TMEM132D: variants seen among roughly 807,000 people sequenced by gnomAD.
TMEM132D encodes the protein transmembrane protein 132D.
TMEM132D carries 21 observed loss-of-function variants against 62.3 expected under a neutral mutation model. The observed-to-expected ratio is 0.34, with a 90% confidence interval of 0.24 to 0.49. The LOEUF is 0.49. TMEM132D is among the 20% of genes least tolerant of loss of function. The pLI is 0.99. For missense variants in TMEM132D, 1,346 were observed against 1,402.8 expected (o/e 0.96, Z 0.65); for synonymous variants, 621 against 575.6 (o/e 1.08, Z -1.13).
intron 5 of TMEM132D, among the ~76,000 whole-genome samples, chr12:129,170,590 C>T (rs1295446809): frequency 1.3e-5 from 2 of 151,956 alleles, no homozygotes; most frequent in African/African-American, 2.4e-5. Context: ...TTTTGTGGGC[C>T]GAGGCAGGCA....
chr12:129,903,604 A>G lies in TMEM132D; in HGVS notation c.-265T>C. 1 of 497,076 alleles carries G rather than the reference A, an allele frequency of 2.0e-6. No homozygotes were observed. The highest frequency in any genetic ancestry group is 3.3e-5 in the East Asian group (1 of 30,066). The allele number at this position is 497,076 out of a possible 1,614,324, so 30.8% of individuals were successfully genotyped here. ...ACCTCCCTCCTTCGACCCCAACAGA[A>G]TTTTTTTTAAATTTTAATCCACAGG... is the stretch of plus-strand genomic sequence containing the variant. On this transcript the variant is annotated 5_prime_UTR_variant, in exon 1 of 9. Coordinates refer to ENST00000422113, the MANE Select transcript of TMEM132D (RefSeq NM_133448.3). The surrounding 1 kb of genome is among the most constrained non-coding windows in gnomAD (Gnocchi z 6.2).
intron 4 of TMEM132D, among the ~76,000 whole-genome samples, chr12:129,264,375 C>A (rs115565804): frequency 6.6e-6 from 1 of 151,900 alleles, no homozygotes; most frequent in Non-Finnish European, 1.5e-5. Flanking sequence ...GGCGACAGAG[C>A]GAAATCCTGT....
intron 4 of TMEM132D, among the ~76,000 whole-genome samples, chr12:129,302,222 C>G (rs989013690): frequency 4.6e-5 from 7 of 152,240 alleles, no homozygotes; most frequent in African/African-American, 1.7e-4. Flanking sequence ...TCAAGCGATT[C>G]TCCTGCCTCA....
At chr12:129,658,630 T>C (rs911793646) in intron 2 of TMEM132D, among the ~76,000 whole-genome samples, 4 of 152,184 alleles carry the variant, frequency 2.6e-5, no homozygotes, top group African/African-American at 4.8e-5. Flanking sequence ...GGGAGTGACA[T>C]GCTGGGACTT....
intron 1 of TMEM132D, among the ~76,000 whole-genome samples, chr12:129,766,358 G>A (rs1193541784): frequency 1.3e-5 from 2 of 152,082 alleles, no homozygotes; most frequent in Admixed American, 6.5e-5. Flanking sequence ...TCACTCCTGT[G>A]TTCTTTGAAA....
rs557009409 is a variant in TMEM132D at position 129,370,433 on chromosome 12, C to T, written c.1116-32616G>A. ...AGTGGCAGCTCTGCCAGCTGTGAGG[C>T]TTGGTGGGAGGCGGGAGGCTGGGAT... On this transcript the variant is annotated intron_variant, in intron 3 of 8. Coordinates refer to ENST00000422113, the MANE Select transcript of TMEM132D (RefSeq NM_133448.3). 5.3e-5 allele frequency among the ~76,000 whole-genome samples: 8 copies of T among 152,308 alleles called. No individual in the cohort carries two copies. The East Asian group carries it at 1.5e-3, about 29-fold the overall frequency.
In TMEM132D at chr12:129,903,915, G is replaced by C. The variant is rs998396026; in HGVS notation, c.-576C>G. On this transcript the variant is annotated 5_prime_UTR_variant, in exon 1 of 9. Transcript: ENST00000422113. This position sits in a 1 kb window ranked among gnomAD's most constrained non-coding sequence, Gnocchi z 6.2. ...CGCCTCGGGGCTCGGGCGCGCGCGCGCTCCGGCACCCAAAGTTTGGCGGGT... is the reference window on the plus strand; with the variant it reads ...CGCCTCGGGGCTCGGGCGCGCGCGCCCTCCGGCACCCAAAGTTTGGCGGGT... 2.0e-5 allele frequency among the ~76,000 whole-genome samples: 3 copies of C among 147,414 alleles called. No individual in the cohort carries two copies. Among genetic ancestry groups the C allele is most frequent in the African/African-American group, 7.3e-5 (3 of 40,958 alleles).
rs951844119 is a variant in TMEM132D, at chr12:129,761,159, T to C, written c.80-60461A>G. Among the ~76,000 whole-genome samples, 12 of 152,076 alleles carry C rather than the reference T, an allele frequency of 7.9e-5. 1 individual carries two copies. Among genetic ancestry groups the C allele is most frequent in the Admixed American group, 2.0e-4 (3 of 15,250 alleles). On this transcript the variant is annotated intron_variant, in intron 1 of 8. Coordinates refer to ENST00000422113, the MANE Select transcript of TMEM132D (RefSeq NM_133448.3). ...CCTCCCATAAAGGACCTCGTTCCAG[T>C]GTCATCCTCCTCATCCCCAGAGTCA...
intron 3 of TMEM132D, among the ~76,000 whole-genome samples, chr12:129,517,528 T>C (rs1875718064): frequency 6.6e-6 from 1 of 152,178 alleles, no homozygotes; most frequent in African/African-American, 2.4e-5. Context: ...ATTAGCTGCC[T>C]GCTGTTCCTA....
chr12:129,338,074 C>T (rs1160413686), intron 3 of TMEM132D, among the ~76,000 whole-genome samples: 1 of 152,238 alleles, frequency 6.6e-6, no homozygotes, highest in African/African-American at 2.4e-5. Context: ...TGCTCAGCTG[C>T]CCCAGAGCAG....
intron 4 of TMEM132D, among the ~76,000 whole-genome samples, chr12:129,219,556 C>A (rs912894558): frequency 2.0e-5 from 3 of 152,118 alleles, no homozygotes; most frequent in African/African-American, 7.2e-5. Context: ...TGCTCCCATG[C>A]AAGGAGAGAA....
At chr12:129,091,542 C>G (rs980705346) in intron 5 of TMEM132D, among the ~76,000 whole-genome samples, 2 of 151,818 alleles carry the variant, frequency 1.3e-5, no homozygotes, top group African/African-American at 4.8e-5. Context: ...GCTCTGGGGA[C>G]TTTACCTAAG....
intron 5 of TMEM132D, among the ~76,000 whole-genome samples, chr12:129,103,051 T>C (rs1875366582): frequency 6.6e-6 from 1 of 152,216 alleles, no homozygotes; most frequent in Non-Finnish European, 1.5e-5. Context: ...GCAGTTATTG[T>C]CTCTGAGCTC....
intron 2 of TMEM132D, among the ~76,000 whole-genome samples, chr12:129,589,613 C>T (rs891076350): frequency 6.6e-6 from 1 of 152,146 alleles, no homozygotes; most frequent in African/African-American, 2.4e-5. Flanking sequence ...AGAGAAAGAA[C>T]AGTGATGCAG....
chr12:129,791,283 T>C (rs1194329660), intron 1 of TMEM132D, among the ~76,000 whole-genome samples: 2 of 152,070 alleles, frequency 1.3e-5, no homozygotes, highest in Non-Finnish European at 2.9e-5. Context: ...TGAAAATATA[T>C]TGGTCAAAAA....
intron 2 of TMEM132D, among the ~76,000 whole-genome samples, chr12:129,634,126 C>T (rs994716193): frequency 6.6e-6 from 1 of 152,140 alleles, no homozygotes; most frequent in African/African-American, 2.4e-5. Context: ...GCCTCCACAG[C>T]AGTGGTGTCC....
At position 129,134,219 on chromosome 12, in the gene TMEM132D, C is replaced by T. The variant is rs748468532; in HGVS notation, c.1444-49517G>A. Among the ~76,000 whole-genome samples, 3 of 151,136 alleles carry T rather than the reference C, an allele frequency of 2.0e-5. No homozygotes were observed. The Admixed American group carries it at 2.0e-4, about 10-fold the overall frequency. ...GTGTGTCTGTGTGTGTGCGTGTAAACTAGTTTGATAGTTTGAATTGGGTTT... is the reference window on the plus strand; with the variant it reads ...GTGTGTCTGTGTGTGTGCGTGTAAATTAGTTTGATAGTTTGAATTGGGTTT... On this transcript the variant is annotated intron_variant, in intron 5 of 8. Transcript: ENST00000422113.
At chr12:129,664,211 C>T (rs910470905) in intron 2 of TMEM132D, among the ~76,000 whole-genome samples, 2 of 152,182 alleles carry the variant, frequency 1.3e-5, no homozygotes, top group African/African-American at 4.8e-5. Flanking sequence ...CGGAGCACAG[C>T]CCTCCTTGGA....
chr12:129,558,129 T>C (rs1877113383), intron 2 of TMEM132D, among the ~76,000 whole-genome samples: 1 of 152,154 alleles, frequency 6.6e-6, no homozygotes, highest in Non-Finnish European at 1.5e-5. Context: ...TCAAATTTGA[T>C]GTTTATAGGG....
Sources: gnomAD v4.1 joint callset for allele counts (sites outside exome capture counted in the v4.1 genomes callset) on GRCh38, gnomAD v4.1.1 for gene constraint, Gnocchi (gnomAD v3.1) non-coding constraint, MANE v1.5 for transcripts, NCBI Gene and HGNC (gene_info 2026-07-23, HGNC 2026-07-21) for gene names.